Variants in WDR41 observed in about 807,000 individuals in gnomAD.
The protein encoded by WDR41 is WD repeat domain 41.
A neutral mutation model predicts 69.3 loss-of-function variants in WDR41; 63 were observed. The observed-to-expected ratio is 0.91, with a 90% CI of 0.74 to 1.12. WDR41 has a LOEUF of 1.12. Ranked by LOEUF, WDR41 falls within the 50% of genes most tolerant of loss-of-function variation. The probability of loss-of-function intolerance (pLI) is 0.00; values close to 1 mark genes in which losing one functional copy is unlikely to be tolerated. For synonymous variants in WDR41, 185 were observed against 192.1 expected (o/e 0.96, Z 0.31); for missense variants, 543 against 534.5 (o/e 1.02, Z -0.16).
At chr5:77,471,162 G>T (rs906978494) in intron 2 of WDR41, among the ~76,000 whole-genome samples, 4 of 152,152 alleles carry the variant, frequency 2.6e-5, no homozygotes, top group African/African-American at 9.7e-5. Context: ...TGAACAACCT[G>T]CTCCTGAATG....
intron 2 of WDR41, among the ~76,000 whole-genome samples, chr5:77,475,014 G>T (rs908670735): frequency 8.5e-5 from 13 of 152,220 alleles, no homozygotes; most frequent in African/African-American, 3.1e-4. Context: ...GAAGCTCAAG[G>T]GGTCAGGGAG....
chr5:77,523,500 T>C (rs1331149313), intron 1 of WDR41, among the ~76,000 whole-genome samples: 2 of 152,070 alleles, frequency 1.3e-5, no homozygotes, highest in Non-Finnish European at 2.9e-5. Context: ...ATTCCTACTT[T>C]CAAGGCCTTT....
intron 1 of WDR41, chr5:77,540,387 T>G (rs1366413322): frequency 6.6e-6 from 1 of 152,222 alleles, no homozygotes; most frequent in African/African-American, 2.4e-5. Context: ...ATTTATAAGC[T>G]ATGCTACCCA....
intron 2 of WDR41, among the ~76,000 whole-genome samples, chr5:77,472,055 C>T (rs994107086): frequency 5.9e-5 from 9 of 152,188 alleles, no homozygotes; most frequent in African/African-American, 1.9e-4. Context: ...TCCAGCAGCA[C>T]ATCAAAAAGC....
rs6891339 is a variant in WDR41 at position 77,436,418 on chromosome 5, A to C, written c.1094-24T>G. On this transcript the variant is annotated intron_variant, in intron 11 of 12. Transcript: ENST00000296679. ...ACCTAGAAAAAGAATCATTTCCAAAATTACTGTGCTCTGTACTTACAATAA... is the reference window on the plus strand; with the variant it reads ...ACCTAGAAAAAGAATCATTTCCAAACTTACTGTGCTCTGTACTTACAATAA... The C allele has an allele frequency of 0.054, 87,356 of 1,612,942 alleles. 3,811 individuals carry two copies. The highest frequency in any genetic ancestry group is 0.23 in the African/African-American group (17,159 of 74,926).
chr5:77,614,974 A>G (rs926322439), intron 1 of WDR41, among the ~76,000 whole-genome samples: 3 of 152,164 alleles, frequency 2.0e-5, no homozygotes, highest in African/African-American at 7.2e-5. Context: ...TTTAAAAGAC[A>G]TAATCTATGA....
intron 2 of WDR41, among the ~76,000 whole-genome samples, chr5:77,481,630 C>G (rs1447413949): frequency 6.6e-6 from 1 of 151,736 alleles, no homozygotes; most frequent in Non-Finnish European, 1.5e-5. Flanking sequence ...ATTAAAAATA[C>G]AAAAATTAGC....
Position 77,473,839 on chromosome 5 carries a change from T to G in WDR41, c.168-9030A>C, listed in dbSNP as rs554123411. The stretch of plus-strand genomic sequence containing the variant: ...TGGAGAAACAGGAACACTTTTACAC[T>G]GTTGGTGGGACTTCAACCATTGTGG... On this transcript the variant is annotated intron_variant, in intron 2 of 12. Transcript: ENST00000296679. Among the ~76,000 whole-genome samples the G allele has an allele frequency of 1.4e-4, 21 of 152,292 alleles. 1 individual carries two copies. In the South Asian group the frequency reaches 3.5e-3, roughly 26 times the overall value.
At chr5:77,595,986 C>A (rs1263381272) in intron 1 of WDR41, among the ~76,000 whole-genome samples, 1 of 152,042 alleles carries the variant, frequency 6.6e-6, no homozygotes, top group Non-Finnish European at 1.5e-5. Flanking sequence ...TAACTATTAC[C>A]TCTGTTGTTT....
At chr5:77,449,455 G>A (rs1464264602) in intron 8 of WDR41, among the ~76,000 whole-genome samples, 1 of 152,142 alleles carries the variant, frequency 6.6e-6, no homozygotes, top group Non-Finnish European at 1.5e-5. Context: ...GCCAGAAACA[G>A]CTGCCAAAAA....
rs537679447 is a variant in WDR41 at position 77,471,466 on chromosome 5, C to CA, written c.168-6658dup. ...GGAAATAGAGACACAAAAAACCCTT[C>CA]AAAAAATTAATGAATCCCGGAACCG... is the stretch of plus-strand genomic sequence containing the variant. On this transcript the variant is annotated intron_variant, in intron 2 of 12. Coordinates refer to ENST00000296679, the MANE Select transcript of WDR41 (RefSeq NM_018268.4). Among the ~76,000 whole-genome samples the CA allele has an allele frequency of 4.0e-3, 606 of 152,128 alleles. 1 individual carries two copies. The highest frequency in any genetic ancestry group is 8.4e-3 in the Admixed American group (128 of 15,280).
Position 77,568,540 on chromosome 5 carries a change from G to C in WDR41, c.42+51939C>G, listed in dbSNP as rs565506468. 1.7e-3 allele frequency among the ~76,000 whole-genome samples: 251 copies of C among 151,744 alleles called. 1 individual carries two copies. Among genetic ancestry groups the C allele is most frequent in the Non-Finnish European group, 2.7e-3 (181 of 67,752 alleles). On this transcript the variant is annotated intron_variant, in intron 1 of 5. Transcript: ENST00000509971. ...GAAGAGCAGTCACTTTGCAGTAACT[G>C]TAAGTTATCTAAATAGCAACTCCTC...
intron 1 of WDR41, among the ~76,000 whole-genome samples, chr5:77,549,530 C>A (rs1743259068): frequency 6.6e-6 from 1 of 151,772 alleles, no homozygotes; most frequent in African/African-American, 2.4e-5. Context: ...AAAAAACACC[C>A]CCAAAAAAAC....
At position 77,453,906 on chromosome 5, in the gene WDR41, A is replaced by G. The variant is rs1799721793; in HGVS notation, c.434T>C (p.Leu145Pro). The G allele has an allele frequency of 1.9e-6, 3 of 1,613,990 alleles. No individual in the cohort carries two copies. The highest frequency in any genetic ancestry group is 2.5e-6 in the Non-Finnish European group (3 of 1,180,000). Residue 145 changes from leucine to proline, a missense_variant, in exon 6 of 13, where the codon CTA (leucine) becomes CCA (proline). Coordinates refer to ENST00000296679, the MANE Select transcript of WDR41 (RefSeq NM_018268.4). ...TVKCLTVLQR[L>P]DVWLSGGNDL... ...ATTCCCACCAGAAAGCCAAACATCT[A>G]GTCTCTGAAGAACAGTTAAACACTG...
intron 2 of WDR41, among the ~76,000 whole-genome samples, chr5:77,479,197 T>C (rs1801106191): frequency 6.6e-6 from 1 of 151,676 alleles, no homozygotes; most frequent in Non-Finnish European, 1.5e-5. Flanking sequence ...GGAAGAACAT[T>C]CCATGCTCAT....
At chr5:77,478,815 G>A (rs978893878) in intron 2 of WDR41, among the ~76,000 whole-genome samples, 5 of 151,404 alleles carry the variant, frequency 3.3e-5, no homozygotes, top group African/African-American at 9.7e-5. Context: ...AGTGTTGGAA[G>A]TTCTGGCCAG....
chr5:77,531,703 C>T (rs559195804), intron 1 of WDR41, among the ~76,000 whole-genome samples: 3 of 151,976 alleles, frequency 2.0e-5, no homozygotes, highest in African/African-American at 7.2e-5. Flanking sequence ...TTCAAAATAG[C>T]CTAAATGTGG....
At chr5:77,503,190 C>CAAAAAAAAAAAAAAA in intron 1 of WDR41, among the ~76,000 whole-genome samples, 1 of 74,324 alleles carries the variant, frequency 1.3e-5, no homozygotes, top group Non-Finnish European at 2.6e-5. Context: ...AAATGGAAAG[C>CAAAAAAAAAAAAAAA]AAAAAAAAAA....
At chr5:77,564,050 C>A (rs1045497323) in intron 1 of WDR41, among the ~76,000 whole-genome samples, 1 of 152,214 alleles carries the variant, frequency 6.6e-6, no homozygotes, top group Middle Eastern at 3.4e-3. Flanking sequence ...ATAAAATATG[C>A]ATAATACCTA....
Sources: gnomAD v4.1 joint callset for allele counts (sites outside exome capture counted in the v4.1 genomes callset) on GRCh38, gnomAD v4.1.1 for gene constraint, MANE v1.5 for transcripts, NCBI Gene and HGNC (gene_info 2026-07-23, HGNC 2026-07-21) for gene names.